IL1R1: variants seen among roughly 807,000 people sequenced by gnomAD.
The protein encoded by IL1R1 is interleukin-1 receptor type 1.
IL1R1 carries 22 observed loss-of-function variants against 50.2 expected under a neutral mutation model. The observed-to-expected ratio is 0.44, with a 90% CI of 0.31 to 0.63. The LOEUF (loss-of-function observed/expected upper bound fraction) is 0.63, where lower values mean the gene tolerates loss of function less well. Ranked by LOEUF, IL1R1 falls within the 20% of genes least tolerant of loss-of-function variation. IL1R1 has a pLI of 0.07. For synonymous variants in IL1R1, 251 were observed against 236.7 expected, an observed-to-expected ratio of 1.06 and a Z score of -0.55; for missense variants, 509 against 676.2, an observed-to-expected ratio of 0.75 and a Z score of 2.74.
intron 7 of IL1R1, among the ~76,000 whole-genome samples, chr2:102,171,154 T>G (rs1164451849): frequency 6.6e-6 from 1 of 152,226 alleles, no homozygotes; most frequent in Non-Finnish European, 1.5e-5. Context: ...AGCATGTTGA[T>G]TCACCGTGAA....
Position 102,165,034 on chromosome 2 carries a change from A to G in IL1R1, c.296+26A>G, listed in dbSNP as rs190423085. ...GTAAGAGAGGAATTAGTATGTTACAAACATGTTCTAGTTTCCTGCAGTTGT... is the reference window on the plus strand; with the variant it reads ...GTAAGAGAGGAATTAGTATGTTACAGACATGTTCTAGTTTCCTGCAGTTGT... On this transcript the variant is annotated intron_variant, in intron 4 of 11. Coordinates refer to ENST00000410023, the MANE Select transcript of IL1R1 (RefSeq NM_000877.4). 5.0e-6 allele frequency: 8 copies of G among 1,591,984 alleles called. No homozygotes were observed. The Admixed American group carries it at 1.4e-4, about 27-fold the overall frequency.
At chr2:102,117,149 G>C (rs1681123894) in intron 1 of IL1R1, among the ~76,000 whole-genome samples, 1 of 152,176 alleles carries the variant, frequency 6.6e-6, no homozygotes, top group Admixed American at 6.5e-5. Context: ...GGATTAGGAA[G>C]ACATTCTTAC....
At chr2:102,136,757 G>A (rs558284207) in intron 1 of IL1R1, among the ~76,000 whole-genome samples, 1 of 152,284 alleles carries the variant, frequency 6.6e-6, no homozygotes, top group South Asian at 2.1e-4. Flanking sequence ...AAATACAAGA[G>A]GAATGGTTGG....
chr2:102,118,749 G>T (rs1008537185), intron 1 of IL1R1, among the ~76,000 whole-genome samples: 11 of 152,152 alleles, frequency 7.2e-5, no homozygotes, highest in Non-Finnish European at 2.9e-5. Flanking sequence ...CGGGTGTGGT[G>T]GCTCACGCCT....
intron 1 of IL1R1, among the ~76,000 whole-genome samples, chr2:102,096,973 C>A (rs1039093656): frequency 6.6e-6 from 1 of 151,324 alleles, no homozygotes; most frequent in African/African-American, 2.4e-5. Context: ...TATTGAACAA[C>A]GTGCATTGCC....
At chr2:102,076,655 G>A (rs1325412266) in intron 1 of IL1R1, among the ~76,000 whole-genome samples, 1 of 151,968 alleles carries the variant, frequency 6.6e-6, no homozygotes, top group African/African-American at 2.4e-5. Flanking sequence ...GGCTTGCATT[G>A]TTTCTAATGA....
intron 3 of IL1R1, among the ~76,000 whole-genome samples, chr2:102,159,473 G>C (rs970894898): frequency 6.6e-5 from 10 of 152,160 alleles, no homozygotes; most frequent in African/African-American, 2.4e-4. Context: ...TGCCTTCTAT[G>C]CAATTTCCTG....
At chr2:102,125,095 G>A (rs943839956) in intron 1 of IL1R1, among the ~76,000 whole-genome samples, 5 of 152,228 alleles carry the variant, frequency 3.3e-5, no homozygotes, top group African/African-American at 1.2e-4. Flanking sequence ...CACCCTTGCG[G>A]CTTGCCAGGC....
At chr2:102,088,454 A>T (rs1679520684) in intron 1 of IL1R1, among the ~76,000 whole-genome samples, 1 of 152,052 alleles carries the variant, frequency 6.6e-6, no homozygotes, top group African/African-American at 2.4e-5. Flanking sequence ...AGCTCTCAAC[A>T]GTGGGCTTAA....
chr2:102,101,355 C>T (rs963914701), upstream of IL1R1, among the ~76,000 whole-genome samples: 6 of 152,162 alleles, frequency 3.9e-5, no homozygotes, highest in Admixed American at 2.6e-4. Context: ...GGTCTGCTGG[C>T]GTCCAGGTTG....
chr2:102,107,012 T>C (rs1680455207), intron 1 of IL1R1, among the ~76,000 whole-genome samples: 1 of 151,874 alleles, frequency 6.6e-6, no homozygotes, highest in East Asian at 1.9e-4. Flanking sequence ...TCCCCAGAGG[T>C]AGAATGGTAG....
At chr2:102,075,035 A>G (rs983494533) in intron 1 of IL1R1, among the ~76,000 whole-genome samples, 1 of 152,128 alleles carries the variant, frequency 6.6e-6, no homozygotes, top group African/African-American at 2.4e-5. Flanking sequence ...CGTATTCTTT[A>G]TACATTTTTC....
intron 1 of IL1R1, among the ~76,000 whole-genome samples, chr2:102,127,107 T>G (rs887657987): frequency 2.0e-5 from 3 of 152,220 alleles, no homozygotes; most frequent in Non-Finnish European, 2.9e-5. Flanking sequence ...CTTTGCCCAG[T>G]GTCATGTTCA....
chr2:102,109,248 T>A (rs930359564), intron 1 of IL1R1, among the ~76,000 whole-genome samples: 2 of 152,116 alleles, frequency 1.3e-5, no homozygotes, highest in Non-Finnish European at 2.9e-5. Context: ...CCACTGGTGA[T>A]GTTTGTGCTG....
intron 1 of IL1R1, among the ~76,000 whole-genome samples, chr2:102,136,380 T>TC (rs985933048): frequency 6.8e-5 from 10 of 146,570 alleles, no homozygotes; most frequent in African/African-American, 2.3e-4. Flanking sequence ...CAGTATTTTT[T>TC]TTTTTTTTTT....
At chr2:102,122,708 A>G (rs1174068010) in intron 1 of IL1R1, among the ~76,000 whole-genome samples, 1 of 152,186 alleles carries the variant, frequency 6.6e-6, no homozygotes, top group Non-Finnish European at 1.5e-5. Context: ...CAGGGTCTGA[A>G]GGAATCATTC....
chr2:102,107,302 C>A (rs1680471820), intron 1 of IL1R1, among the ~76,000 whole-genome samples: 1 of 152,136 alleles, frequency 6.6e-6, no homozygotes, highest in Non-Finnish European at 1.5e-5. Flanking sequence ...CCATGGAATA[C>A]TATGCAGCCA....
chr2:102,145,766 G>A (rs972452218), intron 1 of IL1R1, among the ~76,000 whole-genome samples: 1 of 152,214 alleles, frequency 6.6e-6, no homozygotes, highest in East Asian at 1.9e-4. Context: ...CCTTAGCACT[G>A]CCTGAAGCAC....
chr2:102,153,421 C>T (rs1683878255), intron 1 of IL1R1, among the ~76,000 whole-genome samples: 5 of 152,144 alleles, frequency 3.3e-5, no homozygotes, highest in Admixed American at 3.3e-4. Context: ...AGTATCCTTT[C>T]CCCAAGGATT....
Sources: allele counts gnomAD v4.1 joint callset (sites outside exome capture counted in the v4.1 genomes callset), GRCh38; gene constraint gnomAD v4.1.1; transcripts MANE v1.5; gene names NCBI Gene and HGNC (gene_info 2026-07-23, HGNC 2026-07-21).